NRXN1: variants seen among roughly 807,000 people sequenced by gnomAD.
NRXN1 encodes neurexin-1.
A neutral mutation model predicts 150.9 loss-of-function variants in NRXN1; 39 were observed. That is an observed-to-expected ratio of 0.26 (90% CI 0.20 to 0.34). NRXN1 has a LOEUF of 0.34. Ranked by LOEUF, NRXN1 falls within the 10% of genes least tolerant of loss-of-function variation. The pLI is 1.00. For missense variants in NRXN1, 1,815 were observed against 1,949.9 expected (o/e 0.93, Z 1.30); for synonymous variants, 924 against 757.0 (o/e 1.22, Z -3.62).
At position 50,615,683 on chromosome 2, in the gene NRXN1, G is replaced by T. The variant is rs142813441; in HGVS notation, c.1320+4339C>A. 194 of 152,202 alleles carry T rather than the reference G, an allele frequency of 1.3e-3. 1 individual carries two copies. The highest frequency in any genetic ancestry group is 4.6e-3 in the African/African-American group (190 of 41,530). The allele number at this position is 152,202 out of a possible 1,614,324, so 9.4% of individuals were successfully genotyped here. On this transcript the variant is annotated intron_variant, in intron 8 of 22. Transcript: ENST00000401669. ...AAAATATATCTAGTGAGCACCTGAA[G>T]AATTAACTGTAAGACTTTTCTACAG... is the stretch of plus-strand genomic sequence containing the variant.
chr2:50,542,015 C>T (rs2093400916), intron 9 of NRXN1, among the ~76,000 whole-genome samples: 2 of 152,190 alleles, frequency 1.3e-5, no homozygotes, highest in South Asian at 4.1e-4. Context: ...GGCGTGGTGG[C>T]TCATGCCTGT....
chr2:50,910,103 TG>T (rs1180217162), intron 5 of NRXN1, among the ~76,000 whole-genome samples: 1 of 151,978 alleles, frequency 6.6e-6, no homozygotes, highest in Non-Finnish European at 1.5e-5. Context: ...ATTCTCTTTC[TG>T]CCCCCTTCCA....
intron 2 of NRXN1, among the ~76,000 whole-genome samples, chr2:50,991,104 T>G (rs1698480361): frequency 6.6e-6 from 1 of 152,082 alleles, no homozygotes; most frequent in Non-Finnish European, 1.5e-5. Flanking sequence ...AGACTTAGCT[T>G]TTTCCCTCAA....
chr2:50,049,171 G>A (rs753356829), intron 21 of NRXN1, among the ~76,000 whole-genome samples: 10 of 152,090 alleles, frequency 6.6e-5, no homozygotes, highest in Non-Finnish European at 8.8e-5. Context: ...GCATACTTTT[G>A]AGAGTCAAAA....
chr2:50,827,660 C>CATCTGTG (rs1670647522), intron 5 of NRXN1, among the ~76,000 whole-genome samples: 2 of 151,938 alleles, frequency 1.3e-5, no homozygotes, highest in Non-Finnish European at 2.9e-5. Flanking sequence ...CAGAGGGGGA[C>CATCTGTG]TTGGCAGGGT....
chr2:50,998,350 T>C (rs1157880307), intron 2 of NRXN1, among the ~76,000 whole-genome samples: 2 of 106,470 alleles, frequency 1.9e-5, no homozygotes, highest in African/African-American at 6.0e-5. Flanking sequence ...TCACTGCATA[T>C]AGGGTATTGA....
intron 8 of NRXN1, among the ~76,000 whole-genome samples, chr2:50,617,829 A>G (rs1378352765): frequency 6.6e-6 from 1 of 152,226 alleles, no homozygotes; most frequent in Non-Finnish European, 1.5e-5. Flanking sequence ...CAATTCATAA[A>G]TTAGAGGTGT....
At position 50,347,550 on chromosome 2, in the gene NRXN1, C is replaced by G. The variant is rs2078119236; in HGVS notation, c.3365-110580G>C. The G allele has an allele frequency of 9.6e-7, 1 of 1,040,952 alleles. No individual in the cohort carries two copies. Among genetic ancestry groups the G allele is most frequent in the Non-Finnish European group, 1.2e-6 (1 of 863,158 alleles). The allele number at this position is 1,040,952 out of a possible 1,614,324, so 64.5% of individuals were successfully genotyped here. A position where few individuals can be genotyped will look rare whatever the true frequency, so the allele number is the denominator to read the frequency against. On this transcript the variant is annotated intron_variant, in intron 17 of 22. Coordinates refer to ENST00000401669, the MANE Select transcript of NRXN1 (RefSeq NM_001330078.2). This position sits in a 1 kb window ranked among gnomAD's most constrained non-coding sequence, Gnocchi z 4.9. ...TAGCGCCAGCCTCCCCCGGGCAGCG[C>G]GCGGAGCAGCGGCGCGCATCGCCTG...
intron 1 of NRXN1, among the ~76,000 whole-genome samples, chr2:51,030,750 C>T (rs1671405756): frequency 6.6e-6 from 1 of 152,136 alleles, no homozygotes; most frequent in Non-Finnish European, 1.5e-5. Flanking sequence ...GCATATTATT[C>T]AGTATACTTT....
intron 8 of NRXN1, among the ~76,000 whole-genome samples, chr2:50,590,203 C>T (rs573534814): frequency 5.3e-5 from 8 of 152,166 alleles, no homozygotes; most frequent in Non-Finnish European, 1.0e-4. Flanking sequence ...AATCACAGCC[C>T]TCAAATAAGT....
chr2:50,962,739 T>A (rs1361543614), intron 2 of NRXN1, among the ~76,000 whole-genome samples: 1 of 151,706 alleles, frequency 6.6e-6, no homozygotes, highest in Non-Finnish European at 1.5e-5. Context: ...AAAAACAAAT[T>A]AAGCTTCACC....
At chr2:50,648,755 TCACTTCTACCCCATGCTTCTACCC>T (rs1685166269) in intron 5 of NRXN1, among the ~76,000 whole-genome samples, 1 of 151,920 alleles carries the variant, frequency 6.6e-6, no homozygotes, top group Non-Finnish European at 1.5e-5. Flanking sequence ...CAGCCGGTCA[TCACTTCTACCCCATGCTTCTACCC>T]CACTTCTACC....
chr2:50,700,882 G>C (rs1215650138), intron 5 of NRXN1, among the ~76,000 whole-genome samples: 1 of 151,534 alleles, frequency 6.6e-6, no homozygotes, highest in Non-Finnish European at 1.5e-5. Context: ...TAGCCAGGAT[G>C]GTCTCAGTCT....
chr2:50,656,764 A>T (rs1429839245), intron 5 of NRXN1, among the ~76,000 whole-genome samples: 3 of 151,912 alleles, frequency 2.0e-5, no homozygotes, highest in African/African-American at 7.2e-5. Flanking sequence ...AAAAAAGACA[A>T]AACAAACTCT....
intron 17 of NRXN1, among the ~76,000 whole-genome samples, chr2:50,329,484 G>C (rs1187274813): frequency 6.7e-6 from 1 of 149,878 alleles, no homozygotes; most frequent in Non-Finnish European, 1.5e-5. Context: ...TTGGCAGTGA[G>C]TATTAAAAAT....
At chr2:50,632,963 T>C (rs1409082721) in intron 5 of NRXN1, 1 of 152,088 alleles carries the variant, frequency 6.6e-6, no homozygotes, top group East Asian at 1.9e-4. Flanking sequence ...CTTTAGGCAA[T>C]ATTACAATAA....
At chr2:50,469,847 G>C (rs2104685065) in intron 16 of NRXN1, among the ~76,000 whole-genome samples, 1 of 150,622 alleles carries the variant, frequency 6.6e-6, no homozygotes, top group East Asian at 2.0e-4. Flanking sequence ...TAAGTGACTG[G>C]GTTCAAATGT....
At chr2:50,196,234 C>T (rs900307025) in intron 18 of NRXN1, among the ~76,000 whole-genome samples, 3 of 152,084 alleles carry the variant, frequency 2.0e-5, no homozygotes, top group Non-Finnish European at 4.4e-5. Context: ...TACTCTCTTA[C>T]TAATCTGTGT....
intron 18 of NRXN1, among the ~76,000 whole-genome samples, chr2:50,096,872 T>C (rs1006996313): frequency 6.6e-6 from 1 of 152,224 alleles, no homozygotes; most frequent in African/African-American, 2.4e-5. Context: ...TCTAATTCCA[T>C]ATGAAATAAC....
Sources: allele counts gnomAD v4.1 joint callset (sites outside exome capture counted in the v4.1 genomes callset), GRCh38; gene constraint gnomAD v4.1.1; non-coding constraint Gnocchi (gnomAD v3.1); transcripts MANE v1.5; gene names NCBI Gene and HGNC (gene_info 2026-07-23, HGNC 2026-07-21).